IFNAR2: variants seen among roughly 807,000 people sequenced by gnomAD.
IFNAR2 encodes the protein interferon alpha and beta receptor subunit 2.
A neutral mutation model predicts 49.4 loss-of-function variants in IFNAR2; 30 were observed. That is an observed-to-expected ratio of 0.61 (90% CI 0.45 to 0.82). The LOEUF (loss-of-function observed/expected upper bound fraction) is 0.82, where lower values mean the gene tolerates loss of function less well. Ranked by LOEUF, IFNAR2 falls within the 40% of genes least tolerant of loss-of-function variation. IFNAR2 has a pLI of 0.00. For missense variants in IFNAR2, 600 were observed against 622.7 expected, an observed-to-expected ratio of 0.96 and a Z score of 0.39; for synonymous variants, 224 against 234.5, an observed-to-expected ratio of 0.96 and a Z score of 0.41.
At chr21:33,234,199 G>C (rs1280308100) in intron 1 of IFNAR2, among the ~76,000 whole-genome samples, 1 of 151,256 alleles carries the variant, frequency 6.6e-6, no homozygotes, top group African/African-American at 2.4e-5. Context: ...GTGTGTGTGT[G>C]TGTGTGTGTG....
intron 4 of IFNAR2, among the ~76,000 whole-genome samples, chr21:33,245,729 G>A (rs1029810284): frequency 6.6e-6 from 1 of 152,202 alleles, no homozygotes; most frequent in Non-Finnish European, 1.5e-5. Context: ...CCCTTGGAGT[G>A]TCCTTTTGAT....
chr21:33,241,821 C>T lies in IFNAR2; in HGVS notation c.-83-19C>T. 6.4e-7 allele frequency: 1 copy of T among 1,553,176 alleles called. No individual in the cohort carries two copies. The highest frequency in any genetic ancestry group is 1.2e-5 in the South Asian group (1 of 83,520). ...GGTCTCTCATTATCTTGTCTTTGCT[C>T]CCATTTTTATATTTGCAGTTTAATT... On this transcript the variant is annotated intron_variant, in intron 1 of 8. Coordinates refer to ENST00000342136, the MANE Select transcript of IFNAR2 (RefSeq NM_001289125.3).
At chr21:33,254,255 C>A (rs1046952748) in intron 7 of IFNAR2, among the ~76,000 whole-genome samples, 1 of 152,128 alleles carries the variant, frequency 6.6e-6, no homozygotes, top group East Asian at 1.9e-4. Flanking sequence ...CCTCACGGGA[C>A]CTTCCTACCT....
At chr21:33,242,574 A>T (rs753989457) in intron 2 of IFNAR2, among the ~76,000 whole-genome samples, 5 of 151,548 alleles carry the variant, frequency 3.3e-5, no homozygotes, top group Non-Finnish European at 7.4e-5. Context: ...CTACTAAAAA[A>T]TACAAAAAAT....
rs181574958 is a variant in IFNAR2 at position 33,263,284 on chromosome 21, A to T, written c.1332A>T (p.Glu444Asp). ...VLDDEDSDDLEAPLMLSSHLE... is the reference protein window; with the variant it reads ...VLDDEDSDDLDAPLMLSSHLE... Reference sequence around the variant, plus strand: ...ATGACGAGGACAGTGACGACTTAGAAGCCCCTCTGATGCTATCGTCTCATC... The same window carrying T: ...ATGACGAGGACAGTGACGACTTAGATGCCCCTCTGATGCTATCGTCTCATC... The change falls in exon 9 of 9, where the codon GAA (glutamate) becomes GAT (aspartate). Residue 444 changes from glutamate to aspartate, a missense_variant. Glu to Asp is a conservative substitution (Grantham distance 45). Transcript: ENST00000342136. The T allele has an allele frequency of 4.3e-6, 7 of 1,614,190 alleles. No homozygotes were observed. The East Asian group carries it at 1.6e-4, about 36-fold the overall frequency.
intron 7 of IFNAR2, 188 bp downstream of exon 7, chr21:33,253,018 A>G (rs974222789): frequency 1.6e-6 from 1 of 622,872 alleles, no homozygotes; most frequent in South Asian, 1.8e-5. Context: ...TTATATTGTC[A>G]TACCAAAAAA....
chr21:33,248,056 C>G (rs1747394730), intron 5 of IFNAR2, among the ~76,000 whole-genome samples: 1 of 152,098 alleles, frequency 6.6e-6, no homozygotes, highest in African/African-American at 2.4e-5. Flanking sequence ...TGTTTCATGG[C>G]TCAAATGATA....
chr21:33,251,560 AGTTT>A (rs775789605), intron 6 of IFNAR2: 11 of 985,252 alleles, frequency 1.1e-5, no homozygotes, highest in African/African-American at 3.5e-5. Context: ...TTGGGTCGTA[AGTTT>A]GTTTGTTTAC....
intron 1 of IFNAR2, among the ~76,000 whole-genome samples, chr21:33,237,710 G>C (rs17860153): frequency 2.0e-5 from 3 of 152,156 alleles, no homozygotes; most frequent in Non-Finnish European, 2.9e-5. Flanking sequence ...CCAGGCAGTC[G>C]TGCTTGGATA....
At chr21:33,236,926 G>A in intron 1 of IFNAR2, 1 of 973,756 alleles carries the variant, frequency 1.0e-6, no homozygotes, top group South Asian at 4.8e-5. Flanking sequence ...GTTTTAAGGA[G>A]CTCCATTAAC....
At chr21:33,254,398 A>G (rs1353323469) in intron 7 of IFNAR2, among the ~76,000 whole-genome samples, 1 of 152,204 alleles carries the variant, frequency 6.6e-6, no homozygotes, top group African/African-American at 2.4e-5. Flanking sequence ...GTTTTACCCC[A>G]AAATACATTT....
intron 6 of IFNAR2, among the ~76,000 whole-genome samples, chr21:33,251,324 G>A (rs781302771): frequency 9.9e-5 from 15 of 152,242 alleles, no homozygotes; most frequent in Admixed American, 2.0e-4. Flanking sequence ...GTCCAGTGCT[G>A]TAAATGGGAC....
At chr21:33,243,066 G>A (rs528143300) in intron 2 of IFNAR2, among the ~76,000 whole-genome samples, 1 of 150,612 alleles carries the variant, frequency 6.6e-6, no homozygotes, top group African/African-American at 2.4e-5. Flanking sequence ...GGGGTTACAG[G>A]TATGAGCCAC....
In IFNAR2 at chr21:33,249,854, G is replaced by A. The variant is rs1254565290; in HGVS notation, c.540+1000G>A. Among the ~76,000 whole-genome samples the A allele has an allele frequency of 2.0e-5, 3 of 152,188 alleles. No homozygotes were observed. In the South Asian group the frequency reaches 6.2e-4, roughly 32 times the overall value. On this transcript the variant is annotated intron_variant, in intron 6 of 8. Transcript: ENST00000342136. ...GCTCTGAGGCTGGAGTGGGCCCGGT[G>A]TATTTCAGCAACAGCGAGGAGAGGT...
At chr21:33,238,470 T>C (rs1159832256) in intron 1 of IFNAR2, among the ~76,000 whole-genome samples, 2 of 152,152 alleles carry the variant, frequency 1.3e-5, no homozygotes, top group Non-Finnish European at 2.9e-5. Context: ...TAGGTCTTAG[T>C]CACATGGATG....
At chr21:33,258,482 T>C (rs1179776159) in intron 7 of IFNAR2, among the ~76,000 whole-genome samples, 25 of 152,230 alleles carry the variant, frequency 1.6e-4, no homozygotes, top group Admixed American at 1.6e-3. Flanking sequence ...AGTTCAGTCC[T>C]GCCAACATCT....
intron 6 of IFNAR2, among the ~76,000 whole-genome samples, chr21:33,249,149 G>A (rs190031377): frequency 1.4e-3 from 217 of 152,234 alleles, no homozygotes; most frequent in Admixed American, 2.3e-3. Context: ...TTTGAGACCA[G>A]CCTGGCCAAT....
chr21:33,259,833 CTTCT>C (rs1156953311), intron 7 of IFNAR2, among the ~76,000 whole-genome samples: 3 of 152,138 alleles, frequency 2.0e-5, no homozygotes, highest in Non-Finnish European at 4.4e-5. Context: ...TTTTACTGAA[CTTCT>C]TTCTATTCAT....
intron 1 of IFNAR2, among the ~76,000 whole-genome samples, chr21:33,241,546 A>G (rs1986924587): frequency 1.3e-5 from 2 of 152,154 alleles, no homozygotes; most frequent in African/African-American, 4.8e-5. Context: ...AGGAATATGT[A>G]TTTGTTTTTG....
Sources: allele counts gnomAD v4.1 joint callset (sites outside exome capture counted in the v4.1 genomes callset), GRCh38; gene constraint gnomAD v4.1.1; transcripts MANE v1.5; gene names NCBI Gene and HGNC (gene_info 2026-07-23, HGNC 2026-07-21).